Variants in SDK1 observed in about 807,000 individuals in gnomAD.
SDK1 encodes the protein protein sidekick-1.
SDK1 carries 157 observed loss-of-function variants against 245.5 expected under a neutral mutation model. That is an observed-to-expected ratio of 0.64 (90% confidence interval 0.56 to 0.73). The LOEUF (loss-of-function observed/expected upper bound fraction) is 0.73. Among genes scored for constraint, SDK1 ranks in the 30% least tolerant of loss-of-function variants. SDK1 has a pLI of 0.00. For synonymous variants in SDK1, 1,647 were observed against 1,278.5 expected, an observed-to-expected ratio of 1.29 and a Z score of -6.15; for missense variants, 3,583 against 3,002.3, an observed-to-expected ratio of 1.19 and a Z score of -4.52.
chr7:3,765,930 T>G (rs1410575366), intron 4 of SDK1, among the ~76,000 whole-genome samples: 1 of 152,224 alleles, frequency 6.6e-6, no homozygotes, highest in African/African-American at 2.4e-5. Context: ...TTTAGAGTAT[T>G]TATTCCCTTC....
intron 1 of SDK1, among the ~76,000 whole-genome samples, chr7:3,386,722 T>C (rs1399676263): frequency 1.3e-5 from 2 of 152,200 alleles, no homozygotes; most frequent in African/African-American, 2.4e-5. Flanking sequence ...GCAGCTGTAC[T>C]GGGCAGCCTC....
intron 17 of SDK1, among the ~76,000 whole-genome samples, chr7:4,031,728 T>A (rs1787833164): frequency 1.3e-5 from 2 of 151,286 alleles, no homozygotes; most frequent in African/African-American, 4.8e-5. Context: ...ATTATATCAA[T>A]AAATATACTG....
chr7:3,579,353 A>G (rs939343704), intron 1 of SDK1, among the ~76,000 whole-genome samples: 3 of 152,242 alleles, frequency 2.0e-5, no homozygotes, highest in Non-Finnish European at 4.4e-5. Flanking sequence ...TATCCCTGGG[A>G]TGCAAGGTTG....
At chr7:4,081,085 C>T (rs1781026556) in intron 22 of SDK1, among the ~76,000 whole-genome samples, 1 of 152,182 alleles carries the variant, frequency 6.6e-6, no homozygotes, top group South Asian at 2.1e-4. Flanking sequence ...GACGATGCCG[C>T]ATAGCTGAGG....
intron 1 of SDK1, among the ~76,000 whole-genome samples, chr7:3,446,517 C>T (rs1398921535): frequency 6.6e-6 from 1 of 152,144 alleles, no homozygotes; most frequent in Non-Finnish European, 1.5e-5. Context: ...TAAAAAGACA[C>T]TGTGTAAGAG....
At chr7:4,089,022 A>G (rs371225067) in intron 22 of SDK1, among the ~76,000 whole-genome samples, 2 of 150,644 alleles carry the variant, frequency 1.3e-5, no homozygotes, top group African/African-American at 4.9e-5. Flanking sequence ...GGGCATCTGC[A>G]CAATGAGGCC....
At chr7:4,227,238 C>G (rs1785497670) in intron 40 of SDK1, 1 of 366,000 alleles carries the variant, frequency 2.7e-6, no homozygotes, top group Non-Finnish European at 5.5e-6. Flanking sequence ...TCTGATGGTG[C>G]CCGGTCCCCT....
rs59731582 is a variant in SDK1, at chr7:4,151,520, C to G, written c.4625+2057C>G. 5.5e-3 allele frequency among the ~76,000 whole-genome samples: 835 copies of G among 152,234 alleles called. 10 individuals carry two copies. Among genetic ancestry groups the G allele is most frequent in the African/African-American group, 0.019 (789 of 41,518 alleles). Reference sequence around the variant, plus strand: ...GGTTATGCCCCTCATGTTAGGAAAACGAGGCTGCAGCAGCTCCGGCTTGAT... The same window carrying G: ...GGTTATGCCCCTCATGTTAGGAAAAGGAGGCTGCAGCAGCTCCGGCTTGAT... On this transcript the variant is annotated intron_variant, in intron 30 of 44. Coordinates refer to ENST00000404826, the MANE Select transcript of SDK1 (RefSeq NM_152744.4).
Position 3,326,136 on chromosome 7 carries a change from C to A in SDK1, c.298+24252C>A, listed in dbSNP as rs187460122. On this transcript the variant is annotated intron_variant, in intron 1 of 44. Coordinates refer to ENST00000404826, the MANE Select transcript of SDK1 (RefSeq NM_152744.4). ...TGGCTTAGTGTTTATAAAAATGATA[C>A]TCGTTCACTGCAAATTGTAGAGTAT... Among the ~76,000 whole-genome samples, 20 of 152,160 alleles carry A rather than the reference C, an allele frequency of 1.3e-4. No homozygotes were observed. The Middle Eastern group carries it at 0.01, about 78-fold the overall frequency.
intron 1 of SDK1, among the ~76,000 whole-genome samples, chr7:3,304,081 G>T (rs1350896078): frequency 6.6e-6 from 1 of 152,216 alleles, no homozygotes; most frequent in Non-Finnish European, 1.5e-5. Context: ...ATCAGTAAAA[G>T]TTACATTTTT....
At chr7:3,795,713 G>T (rs953215533) in intron 4 of SDK1, among the ~76,000 whole-genome samples, 1 of 152,090 alleles carries the variant, frequency 6.6e-6, no homozygotes, top group African/African-American at 2.4e-5. Context: ...CTTAAAATGT[G>T]CCCTTTCTGA....
At chr7:3,704,616 T>C (rs1294310997) in intron 4 of SDK1, among the ~76,000 whole-genome samples, 1 of 152,164 alleles carries the variant, frequency 6.6e-6, no homozygotes. Flanking sequence ...AGTTTGCAAA[T>C]ACTTTCCCCC....
intron 5 of SDK1, among the ~76,000 whole-genome samples, chr7:3,922,306 C>G (rs1779618834): frequency 6.6e-6 from 1 of 152,122 alleles, no homozygotes; most frequent in South Asian, 2.1e-4. Context: ...GCCCACTTAC[C>G]CCAGCTAGTG....
At chr7:3,942,981 A>C (rs1021909725) in intron 5 of SDK1, among the ~76,000 whole-genome samples, 1 of 152,098 alleles carries the variant, frequency 6.6e-6, no homozygotes, top group Non-Finnish European at 1.5e-5. Flanking sequence ...TGGCACAGGG[A>C]GCAGCCTGGC....
intron 14 of SDK1, among the ~76,000 whole-genome samples, chr7:4,006,807 C>G (rs930637516): frequency 1.3e-5 from 2 of 152,210 alleles, no homozygotes; most frequent in African/African-American, 2.4e-5. Flanking sequence ...TCAAACCAGG[C>G]AGCAGACTCT....
At chr7:3,383,362 G>A (rs1450216590) in intron 1 of SDK1, among the ~76,000 whole-genome samples, 1 of 152,160 alleles carries the variant, frequency 6.6e-6, no homozygotes, top group African/African-American at 2.4e-5. Flanking sequence ...AGTGAATTAT[G>A]ATTGTGCCAC....
chr7:3,635,500 G>C (rs571574239), intron 2 of SDK1, among the ~76,000 whole-genome samples: 1 of 152,188 alleles, frequency 6.6e-6, no homozygotes, highest in South Asian at 2.1e-4. Context: ...TTCAAGATAT[G>C]CTTGGGAACT....
At chr7:3,547,727 T>A (rs898335909) in intron 1 of SDK1, among the ~76,000 whole-genome samples, 1 of 152,208 alleles carries the variant, frequency 6.6e-6, no homozygotes, top group Non-Finnish European at 1.5e-5. Context: ...TTTGGATAGA[T>A]ACCTTTTCTA....
At chr7:4,202,134 C>T (rs969832961) in intron 35 of SDK1, among the ~76,000 whole-genome samples, 1 of 152,146 alleles carries the variant, frequency 6.6e-6, no homozygotes, top group Non-Finnish European at 1.5e-5. Context: ...CTCTCTGGGC[C>T]CCGACCCTGT....
Sources: gnomAD v4.1 joint callset for allele counts (sites outside exome capture counted in the v4.1 genomes callset) on GRCh38, gnomAD v4.1.1 for gene constraint, MANE v1.5 for transcripts, NCBI Gene and HGNC (gene_info 2026-07-23, HGNC 2026-07-21) for gene names.